Variants in CACNB4 observed in about 807,000 individuals in gnomAD.
CACNB4 encodes the protein calcium voltage-gated channel auxiliary subunit beta 4.
In CACNB4, 32 loss-of-function variants were observed where a neutral mutation model predicts 71.2. That is an observed-to-expected ratio of 0.45 (90% CI 0.34 to 0.60). The LOEUF is 0.60. Ranked by LOEUF, CACNB4 falls within the 20% of genes least tolerant of loss-of-function variation. The pLI is 0.01. For synonymous variants in CACNB4, 231 were observed against 236.9 expected, an observed-to-expected ratio of 0.97 and a Z score of 0.23; for missense variants, 464 against 647.9, an observed-to-expected ratio of 0.72 and a Z score of 3.08.
rs1688409715 is a variant in CACNB4, at chr2:152,098,533, A to T, written c.64-120T>A. ...CTCCCTGGGGTCCCCTAGAGCCCGC[A>T]CCCAAGTCTCCTCCGCGACTCCCAA... On this transcript the variant is annotated intron_variant, in intron 1 of 13. Coordinates refer to ENST00000539935, the MANE Select transcript of CACNB4 (RefSeq NM_000726.5). The surrounding 1 kb of genome is among the most constrained non-coding windows in gnomAD (Gnocchi z 5.3). 7.4e-7 allele frequency: 1 copy of T among 1,357,070 alleles called. No individual in the cohort carries two copies. Among genetic ancestry groups the T allele is most frequent in the Non-Finnish European group, 1.0e-6 (1 of 958,478 alleles). 84.1% of individuals were successfully genotyped at this position (1,357,070 alleles called of 1,614,324 possible).
intron 2 of CACNB4, among the ~76,000 whole-genome samples, chr2:151,927,048 A>G (rs1212031155): frequency 6.6e-6 from 1 of 152,210 alleles, no homozygotes; most frequent in Admixed American, 6.5e-5. Context: ...TTAAAACATT[A>G]TTCTGAGAAG....
intron 2 of CACNB4, among the ~76,000 whole-genome samples, chr2:152,090,196 T>C (rs1390280006): frequency 1.3e-5 from 2 of 152,232 alleles, no homozygotes; most frequent in South Asian, 2.1e-4. Context: ...TTAAATAGCA[T>C]TGCCTTTTGT....
rs189710265 is a variant in CACNB4 at position 151,838,656 on chromosome 2, T to C, written c.*463A>G. The C allele has an allele frequency of 4.6e-5, 7 of 152,662 alleles. No individual in the cohort carries two copies. The highest frequency in any genetic ancestry group is 1.7e-4 in the African/African-American group (7 of 41,496). 9.5% of individuals were successfully genotyped at this position (152,662 alleles called of 1,614,324 possible). ...TTGGCTTCTATTGGTATTTCGATTT[T>C]CTTATTAGTTTTTTTTTTTTCCCCC... On this transcript the variant is annotated 3_prime_UTR_variant, in exon 14 of 14. Coordinates refer to ENST00000539935, the MANE Select transcript of CACNB4 (RefSeq NM_000726.5).
rs1207671418 is a variant in CACNB4 at position 152,073,445 on chromosome 2, G to T, written c.147+24885C>A. Among the ~76,000 whole-genome samples, 2 of 151,750 alleles carry T rather than the reference G, an allele frequency of 1.3e-5. 1 individual carries two copies. The highest frequency in any genetic ancestry group is 6.3e-3 in the Middle Eastern group (2 of 316). On this transcript the variant is annotated intron_variant, in intron 2 of 13. Coordinates refer to ENST00000539935, the MANE Select transcript of CACNB4 (RefSeq NM_000726.5). Reference sequence around the variant, plus strand: ...TGCCATTCGCCTGTGTAGTAAACTGGCAATCGTGCTTTGCTATGTTTACAT... The same window carrying T: ...TGCCATTCGCCTGTGTAGTAAACTGTCAATCGTGCTTTGCTATGTTTACAT...
chr2:152,024,210 C>G (rs1171853228), intron 2 of CACNB4, among the ~76,000 whole-genome samples: 1 of 152,168 alleles, frequency 6.6e-6, no homozygotes, highest in African/African-American at 2.4e-5. Context: ...GTAGTCCTAG[C>G]TACTCAGGAG....
chr2:152,078,310 A>G (rs1419035579), intron 2 of CACNB4, among the ~76,000 whole-genome samples: 1 of 152,206 alleles, frequency 6.6e-6, no homozygotes, highest in African/African-American at 2.4e-5. Context: ...AGGGCGGTCC[A>G]CACAGATCCC....
rs1210532061 is a variant in CACNB4, at chr2:151,839,008, C to T, written c.*111G>A. 1 of 890,218 alleles carries T rather than the reference C, an allele frequency of 1.1e-6. No homozygotes were observed. The highest frequency in any genetic ancestry group is 1.7e-6 in the Non-Finnish European group (1 of 601,052). 55.1% of individuals were successfully genotyped at this position (890,218 alleles called of 1,614,324 possible). A position where few individuals can be genotyped will look rare whatever the true frequency, so the allele number is the denominator to read the frequency against. ...CTTACTTAGCATAAAATGACAGCAG[C>T]CCATTAGCACAGTAAATACTGTGCT... On this transcript the variant is annotated 3_prime_UTR_variant, in exon 14 of 14. Transcript: ENST00000539935.
At chr2:151,975,797 T>C (rs983704651) in intron 2 of CACNB4, among the ~76,000 whole-genome samples, 4 of 152,350 alleles carry the variant, frequency 2.6e-5, no homozygotes, top group African/African-American at 9.6e-5. Flanking sequence ...AGAGGTTCTT[T>C]TTTTCTCTTA....
intron 2 of CACNB4, among the ~76,000 whole-genome samples, chr2:151,924,235 C>T (rs1402855605): frequency 6.6e-6 from 1 of 151,380 alleles, no homozygotes; most frequent in Non-Finnish European, 1.5e-5. Context: ...CCCACTACCA[C>T]TCCCGGCTAA....
intron 8 of CACNB4, 114 bp from the exon 9 acceptor site, chr2:151,869,349 C>T (rs1233631256): frequency 3.2e-6 from 2 of 630,280 alleles, no homozygotes; most frequent in Non-Finnish European, 5.7e-6. Context: ...CTTATTGTAG[C>T]CATTCGTCTC....
intron 2 of CACNB4, among the ~76,000 whole-genome samples, chr2:152,036,021 G>A (rs1427248070): frequency 1.3e-5 from 2 of 152,132 alleles, no homozygotes; most frequent in African/African-American, 2.4e-5. Context: ...CATATGTAAC[G>A]TGGATGAAAC....
chr2:152,076,453 C>A (rs1288493286), intron 2 of CACNB4, among the ~76,000 whole-genome samples: 1 of 151,588 alleles, frequency 6.6e-6, no homozygotes, highest in African/African-American at 2.4e-5. Flanking sequence ...TGAGCTACTG[C>A]GCCTGGCCGC....
intron 2 of CACNB4, among the ~76,000 whole-genome samples, chr2:152,028,223 C>A (rs1193288264): frequency 2.0e-5 from 3 of 152,168 alleles, no homozygotes; most frequent in African/African-American, 7.2e-5. Context: ...GATACTGAAC[C>A]AAAGGGTTGT....
At chr2:151,962,567 C>T (rs1233129461) in intron 2 of CACNB4, among the ~76,000 whole-genome samples, 1 of 152,180 alleles carries the variant, frequency 6.6e-6, no homozygotes, top group African/African-American at 2.4e-5. Context: ...AAATGAAATT[C>T]GGATGCTCAT....
At chr2:151,894,952 CAGA>C (rs1227431819) in intron 2 of CACNB4, among the ~76,000 whole-genome samples, 3 of 152,004 alleles carry the variant, frequency 2.0e-5, no homozygotes, top group Admixed American at 2.0e-4. Context: ...GTTCATGGAT[CAGA>C]AGAATTAATA....
At chr2:151,862,062 C>A (rs1480139323) in intron 9 of CACNB4, among the ~76,000 whole-genome samples, 1 of 152,166 alleles carries the variant, frequency 6.6e-6, no homozygotes, top group Admixed American at 6.5e-5. Flanking sequence ...CCATTCTCAT[C>A]TTCACAGCAT....
chr2:151,998,917 C>T (rs938331855), intron 2 of CACNB4, among the ~76,000 whole-genome samples: 1 of 152,192 alleles, frequency 6.6e-6, no homozygotes, highest in Non-Finnish European at 1.5e-5. Flanking sequence ...GAAAAGCTTT[C>T]CCCTGGAGCT....
chr2:152,011,530 C>T (rs1278708983), intron 2 of CACNB4, among the ~76,000 whole-genome samples: 2 of 152,188 alleles, frequency 1.3e-5, no homozygotes, highest in African/African-American at 4.8e-5. Context: ...CCTGCCGTCC[C>T]AGTAGCAACA....
At chr2:151,892,981 T>C (rs1230042499) in intron 2 of CACNB4, among the ~76,000 whole-genome samples, 1 of 152,086 alleles carries the variant, frequency 6.6e-6, no homozygotes, top group Admixed American at 6.5e-5. Context: ...ATCCAGAAAC[T>C]GTTTAGAAAA....
Sources: allele counts gnomAD v4.1 joint callset (sites outside exome capture counted in the v4.1 genomes callset), GRCh38; gene constraint gnomAD v4.1.1; non-coding constraint Gnocchi (gnomAD v3.1); transcripts MANE v1.5; gene names NCBI Gene and HGNC (gene_info 2026-07-23, HGNC 2026-07-21).